The following NECTIN1 variants were observed in gnomAD, a reference collection of about 807,000 sequenced individuals.
The protein encoded by NECTIN1 is nectin-1.
A neutral mutation model predicts 48.0 loss-of-function variants in NECTIN1; 23 were observed. The ratio of observed to expected loss-of-function variants is 0.48; its 90% confidence interval spans 0.34 to 0.68. NECTIN1 has a LOEUF of 0.68. NECTIN1 is among the 30% of genes least tolerant of loss of function. The probability of loss-of-function intolerance (pLI) is 0.01; values close to 1 mark genes in which losing one functional copy is unlikely to be tolerated. For synonymous variants in NECTIN1, 270 were observed against 288.9 expected (o/e 0.93, Z 0.66); for missense variants, 591 against 709.9 (o/e 0.83, Z 1.90).
In NECTIN1 at chr11:119,671,119, A is replaced by G. The variant is rs1864855774; in HGVS notation, c.1003+4040T>C. On this transcript the variant is annotated intron_variant, in intron 5 of 5. Transcript: ENST00000264025. ...TGAGTGAGGGAGAGAAGAAAGGAGA[A>G]GCATGGGGATCTAACTCATTTGCAA... 2.6e-5 allele frequency among the ~76,000 whole-genome samples: 4 copies of G among 151,244 alleles called. No individual in the cohort carries two copies. The South Asian group carries it at 8.4e-4, about 32-fold the overall frequency.
intron 1 of NECTIN1, among the ~76,000 whole-genome samples, chr11:119,698,720 TA>T (rs1273395279): frequency 1.3e-5 from 2 of 152,200 alleles, no homozygotes; most frequent in African/African-American, 4.8e-5. Context: ...ACAAAATGGC[TA>T]TAAGGATTCA....
chr11:119,657,004 C>T (rs1565379728), downstream of NECTIN1, among the ~76,000 whole-genome samples: 1 of 152,184 alleles, frequency 6.6e-6, no homozygotes, highest in South Asian at 2.1e-4. Flanking sequence ...ACCTGCTTCA[C>T]GAGGATTACG....
chr11:119,687,107 C>G (rs1865172176), intron 1 of NECTIN1, among the ~76,000 whole-genome samples: 1 of 152,112 alleles, frequency 6.6e-6, no homozygotes, highest in Admixed American at 6.5e-5. Context: ...CTTCTCCTTC[C>G]TTGACTGAAA....
At chr11:119,700,703 A>AT (rs1865436556) in intron 1 of NECTIN1, among the ~76,000 whole-genome samples, 2 of 152,278 alleles carry the variant, frequency 1.3e-5, no homozygotes, top group South Asian at 2.1e-4. Context: ...AACAGAATGG[A>AT]TTTTGCAACC....
intron 1 of NECTIN1, among the ~76,000 whole-genome samples, chr11:119,718,198 T>C (rs181822981): frequency 5.2e-4 from 79 of 152,312 alleles, no homozygotes; most frequent in Admixed American, 1.2e-3. Flanking sequence ...GCACAGGGAC[T>C]GTCTGAAGTC....
intron 1 of NECTIN1, among the ~76,000 whole-genome samples, chr11:119,726,652 G>A (rs1305826636): frequency 6.6e-6 from 1 of 152,132 alleles, no homozygotes; most frequent in East Asian, 1.9e-4. Context: ...AATTAACCAT[G>A]AAGGAATCAC....
In NECTIN1 at chr11:119,664,337, C is replaced by T; in HGVS notation, c.*410G>A. On this transcript the variant is annotated 3_prime_UTR_variant, in exon 6 of 6. Transcript: ENST00000264025. Reference sequence around the variant, plus strand: ...TGTGGGGAGCTTTTCCCTCTTAGAGCCCCTTGAGCCCTCCACCCCCAGTGA... The same window carrying T: ...TGTGGGGAGCTTTTCCCTCTTAGAGTCCCTTGAGCCCTCCACCCCCAGTGA... 1 of 1,014,620 alleles carries T rather than the reference C, an allele frequency of 9.9e-7. No homozygotes were observed. The highest frequency in any genetic ancestry group is 1.2e-6 in the Non-Finnish European group (1 of 847,648). 62.9% of individuals were successfully genotyped at this position (1,014,620 alleles called of 1,614,324 possible).
At chr11:119,725,088 G>A (rs1382726057) in intron 1 of NECTIN1, among the ~76,000 whole-genome samples, 1 of 152,122 alleles carries the variant, frequency 6.6e-6, no homozygotes, top group Non-Finnish European at 1.5e-5. Flanking sequence ...TTTTCTGTTT[G>A]TGCTGAACAA....
Position 119,709,012 on chromosome 11 carries a change from T to C in NECTIN1, c.79+19463A>G, listed in dbSNP as rs1865592129. Among the ~76,000 whole-genome samples the C allele has an allele frequency of 1.3e-5, 2 of 151,972 alleles. No homozygotes were observed. The highest frequency in any genetic ancestry group is 4.8e-5 in the African/African-American group (2 of 41,348). On this transcript the variant is annotated intron_variant, in intron 1 of 5. Coordinates refer to ENST00000264025, the MANE Select transcript of NECTIN1 (RefSeq NM_002855.5). This position sits in a 1 kb window ranked among gnomAD's most constrained non-coding sequence, Gnocchi z 4.1. ...TGATTCTGCCCAGGACTGATTTTGCTGGGGGAGGGGGCACCGGAGAGATCC... is the reference window on the plus strand; with the variant it reads ...TGATTCTGCCCAGGACTGATTTTGCCGGGGGAGGGGGCACCGGAGAGATCC...
chr11:119,662,277 T>G lies in NECTIN1; in HGVS notation c.*2470A>C, dbSNP rs899436719. 2 of 985,724 alleles carry G rather than the reference T, an allele frequency of 2.0e-6. No individual in the cohort carries two copies. The highest frequency in any genetic ancestry group is 2.4e-6 in the Non-Finnish European group (2 of 829,944). 61.1% of individuals were successfully genotyped at this position (985,724 alleles called of 1,614,324 possible). On this transcript the variant is annotated 3_prime_UTR_variant, in exon 6 of 6. Coordinates refer to ENST00000264025, the MANE Select transcript of NECTIN1 (RefSeq NM_002855.5). The surrounding 1 kb of genome is among the most constrained non-coding windows in gnomAD (Gnocchi z 5.3). ...TGTGGGCCCAGCAGTAGTGCCCACC[T>G]TCCCACAAACTTGGGGCACAGAAAA...
chr11:119,668,791 G>C (rs1220799846), intron 5 of NECTIN1, among the ~76,000 whole-genome samples: 14 of 152,216 alleles, frequency 9.2e-5, no homozygotes, highest in Admixed American at 9.2e-4. Context: ...AGTTACCATG[G>C]CTGGCTCTGG....
rs1276010005 is a variant in NECTIN1, at chr11:119,683,183, C to A, written c.80-4418G>T. 1.3e-5 allele frequency among the ~76,000 whole-genome samples: 2 copies of A among 152,194 alleles called. No individual in the cohort carries two copies. Among genetic ancestry groups the A allele is most frequent in the East Asian group, 3.9e-4 (2 of 5,194 alleles). On this transcript the variant is annotated intron_variant, in intron 1 of 5. Coordinates refer to ENST00000264025, the MANE Select transcript of NECTIN1 (RefSeq NM_002855.5). This position sits in a 1 kb window ranked among gnomAD's most constrained non-coding sequence, Gnocchi z 4.0. The stretch of plus-strand genomic sequence containing the variant: ...CACAGAACACATCCTGTCTCCTTTC[C>A]CGCAGGTTCCCTCTTACATGAGAAG...
intron 5 of NECTIN1, among the ~76,000 whole-genome samples, chr11:119,653,006 G>C (rs866792306): frequency 1.3e-5 from 2 of 152,158 alleles, no homozygotes; most frequent in Non-Finnish European, 2.9e-5. Context: ...GACTGAAAGA[G>C]CTGCAAAAAT....
In NECTIN1 at chr11:119,678,565, G is replaced by T. The variant is rs1409224995; in HGVS notation, c.280C>A (p.Arg94Ser). 6.2e-7 allele frequency: 1 copy of T among 1,614,104 alleles called. No individual in the cohort carries two copies. The highest frequency in any genetic ancestry group is 1.3e-5 in the African/African-American group (1 of 74,934). ...GGCCGCAGGAATTCCACACGCTCGC[G>T]GTAGGGAGCCAGCACGGACACGCCC... is the stretch of plus-strand genomic sequence containing the variant. ...SMGVSVLAPY[R>S]ERVEFLRPSF... Residue 94 changes from arginine (R) to serine (S), a missense_variant, in exon 2 of 6, where the codon CGC becomes AGC. Physicochemically the swap from Arg to Ser is moderately radical, Grantham distance 110. Coordinates refer to ENST00000264025, the MANE Select transcript of NECTIN1 (RefSeq NM_002855.5). This position sits in a 1 kb window ranked among gnomAD's most constrained non-coding sequence, Gnocchi z 4.4.
At chr11:119,645,209 G>A (rs897772426) in intron 5 of NECTIN1, among the ~76,000 whole-genome samples, 2 of 152,160 alleles carry the variant, frequency 1.3e-5, no homozygotes, top group Non-Finnish European at 2.9e-5. Flanking sequence ...ACCACCCAGG[G>A]CCCATCCAGT....
intron 1 of NECTIN1, among the ~76,000 whole-genome samples, chr11:119,704,439 ACTC>A (rs1183577594): frequency 6.6e-6 from 1 of 151,388 alleles, no homozygotes; most frequent in South Asian, 2.1e-4. Flanking sequence ...CTGGTCTAGA[ACTC>A]CTGACCTCAA....
chr11:119,654,606 C>G (rs540664490), intron 5 of NECTIN1, among the ~76,000 whole-genome samples: 3 of 151,040 alleles, frequency 2.0e-5, no homozygotes, highest in Non-Finnish European at 4.4e-5. Flanking sequence ...GAATCTCGCT[C>G]AGTCGCCCAT....
chr11:119,682,211 C>T (rs1021608373), intron 1 of NECTIN1, among the ~76,000 whole-genome samples: 7 of 151,948 alleles, frequency 4.6e-5, no homozygotes, highest in African/African-American at 1.2e-4. Context: ...CTCTAACAGG[C>T]GGGTTAGAAT....
chr11:119,698,929 A>G (rs1865388381), intron 1 of NECTIN1, among the ~76,000 whole-genome samples: 1 of 152,112 alleles, frequency 6.6e-6, no homozygotes, highest in Non-Finnish European at 1.5e-5. Flanking sequence ...AGCTGCTCCC[A>G]TTTGTGTGGA....
Sources: allele counts gnomAD v4.1 joint callset (sites outside exome capture counted in the v4.1 genomes callset), GRCh38; gene constraint gnomAD v4.1.1; non-coding constraint Gnocchi (gnomAD v3.1); transcripts MANE v1.5; gene names NCBI Gene and HGNC (gene_info 2026-07-23, HGNC 2026-07-21).